ARHGAP6: variants seen among roughly 807,000 people sequenced by gnomAD.
The protein encoded by ARHGAP6 is Rho GTPase activating protein 6.
ARHGAP6 carries 16 observed loss-of-function variants against 55.7 expected under a neutral mutation model. That is an observed-to-expected ratio of 0.29 (90% CI 0.19 to 0.44). The LOEUF (loss-of-function observed/expected upper bound fraction) is 0.44. Among genes scored for constraint, ARHGAP6 ranks in the 20% least tolerant of loss-of-function variants. The probability of loss-of-function intolerance (pLI) is 1.00; values close to 1 mark genes in which losing one functional copy is unlikely to be tolerated. For missense variants in ARHGAP6, 698 were observed against 808.9 expected, an observed-to-expected ratio of 0.86 and a Z score of 1.66; for synonymous variants, 382 against 360.9, an observed-to-expected ratio of 1.06 and a Z score of -0.66.
At chrX:11,639,742 A>C (rs1482596357) in intron 1 of ARHGAP6, among the ~76,000 whole-genome samples, 2 of 110,660 alleles carry the variant, frequency 1.8e-5, no homozygotes, top group Non-Finnish European at 3.8e-5. Context: ...GAAAGATTGA[A>C]AGAAAAAGAG....
chrX:11,162,342 C>CT (rs1391965677), intron 9 of ARHGAP6, among the ~76,000 whole-genome samples: 2 of 97,456 alleles, frequency 2.1e-5, no homozygotes, highest in Non-Finnish European at 4.2e-5. Flanking sequence ...TGCCCCCCCC[C>CT]CCATATTTAC....
intron 1 of ARHGAP6, among the ~76,000 whole-genome samples, chrX:11,657,040 T>C (rs1365194801): frequency 2.7e-5 from 3 of 112,009 alleles, no homozygotes; most frequent in Non-Finnish European, 5.6e-5. Flanking sequence ...AAATATTTGA[T>C]GACTATCTGT....
chrX:11,221,567 G>A (rs2046971864), intron 2 of ARHGAP6, among the ~76,000 whole-genome samples: 1 of 111,690 alleles, frequency 9.0e-6, no homozygotes, highest in Admixed American at 9.6e-5. Flanking sequence ...ATGTGAGAAT[G>A]CTTCTAATAA....
chrX:11,315,162 T>C (rs1269829067), intron 1 of ARHGAP6, among the ~76,000 whole-genome samples: 2 of 112,565 alleles, frequency 1.8e-5, no homozygotes, highest in Non-Finnish European at 3.8e-5. Flanking sequence ...CCTTAGCCCA[T>C]AGCTTCGCTA....
intron 1 of ARHGAP6, among the ~76,000 whole-genome samples, chrX:11,428,017 G>A (rs1374950929): frequency 8.9e-6 from 1 of 112,583 alleles, no homozygotes; most frequent in Non-Finnish European, 1.9e-5. Flanking sequence ...CCTGCCTCCT[G>A]CCACCCCACC....
chrX:11,229,607 G>C (rs752795110), intron 2 of ARHGAP6, among the ~76,000 whole-genome samples: 1 of 111,770 alleles, frequency 8.9e-6, no homozygotes, highest in Non-Finnish European at 1.9e-5. Flanking sequence ...TTAATGTGCA[G>C]TTTTTGCACA....
At chrX:11,289,264 C>G (rs1490314157) in intron 1 of ARHGAP6, among the ~76,000 whole-genome samples, 1 of 110,989 alleles carries the variant, frequency 9.0e-6, no homozygotes, top group Non-Finnish European at 1.9e-5. Context: ...CCTTTTTTCC[C>G]CCTAAGAATG....
chrX:11,282,285 T>A (rs774790083), intron 1 of ARHGAP6, among the ~76,000 whole-genome samples: 1 of 112,104 alleles, frequency 8.9e-6, no homozygotes, highest in African/African-American at 3.2e-5. Context: ...TCAAGTGGAC[T>A]CTGTGAGAGA....
chrX:11,405,507 A>T (rs2049599819), intron 1 of ARHGAP6, among the ~76,000 whole-genome samples: 1 of 111,946 alleles, frequency 8.9e-6, no homozygotes, highest in East Asian at 2.8e-4. Context: ...TTGGTATCCT[A>T]CAAATCAAGG....
At chrX:11,572,871 G>T (rs202234042) in intron 1 of ARHGAP6, among the ~76,000 whole-genome samples, 8,967 of 111,172 alleles carry the variant, frequency 0.081, 383 homozygotes, top group East Asian at 0.18. Context: ...ACTTTTTAAT[G>T]ATTGCCATTG....
intron 1 of ARHGAP6, among the ~76,000 whole-genome samples, chrX:11,516,577 T>A (rs906338113): frequency 5.3e-5 from 6 of 112,419 alleles, no homozygotes; most frequent in Middle Eastern, 4.2e-3. Context: ...TGCATTCTAT[T>A]AGATTTAACA....
chrX:11,458,898 C>G (rs1250778056), intron 1 of ARHGAP6, among the ~76,000 whole-genome samples: 2 of 110,602 alleles, frequency 1.8e-5, no homozygotes, highest in Non-Finnish European at 3.8e-5. Context: ...GAAGTAAAAA[C>G]TATAGCAGGG....
intron 8 of ARHGAP6, among the ~76,000 whole-genome samples, chrX:11,172,508 T>TA (rs2046106879): frequency 9.6e-6 from 1 of 104,512 alleles, no homozygotes; most frequent in Non-Finnish European, 2.0e-5. Context: ...TTCTCATTTT[T>TA]TAAAAAAAAC....
chrX:11,145,699 A>G (rs1229250393), intron 10 of ARHGAP6, among the ~76,000 whole-genome samples: 1 of 112,294 alleles, frequency 8.9e-6, no homozygotes, highest in Non-Finnish European at 1.9e-5. Flanking sequence ...TGGCTACACC[A>G]TTTGTGGAGC....
intron 1 of ARHGAP6, among the ~76,000 whole-genome samples, chrX:11,654,291 T>C (rs1375120759): frequency 8.9e-6 from 1 of 111,902 alleles, no homozygotes; most frequent in East Asian, 2.8e-4. Context: ...GATCCAATGC[T>C]TATTGACACT....
At chrX:11,434,833 G>C (rs1418925366) in intron 1 of ARHGAP6, among the ~76,000 whole-genome samples, 1 of 111,870 alleles carries the variant, frequency 8.9e-6, no homozygotes. Flanking sequence ...AGCAAATAGA[G>C]AGGATGAGCC....
chrX:11,349,861 C>T (rs1227405533), intron 1 of ARHGAP6, among the ~76,000 whole-genome samples: 1 of 111,957 alleles, frequency 8.9e-6, no homozygotes, highest in East Asian at 2.8e-4. Flanking sequence ...GGAAAACACC[C>T]TGAGGCAGAA....
intron 3 of ARHGAP6, among the ~76,000 whole-genome samples, chrX:11,193,726 C>A (rs1031704606): frequency 8.9e-6 from 1 of 112,418 alleles, no homozygotes; most frequent in South Asian, 3.7e-4. Context: ...TTTCACTGAG[C>A]CTATGTAAAT....
At chrX:11,384,170 T>C (rs763237955) in intron 1 of ARHGAP6, among the ~76,000 whole-genome samples, 2 of 112,105 alleles carry the variant, frequency 1.8e-5, no homozygotes, top group East Asian at 5.6e-4. Context: ...TGAATGCTCT[T>C]GTAAAACAAC....
Sources: allele counts gnomAD v4.1 joint callset (sites outside exome capture counted in the v4.1 genomes callset), GRCh38; gene constraint gnomAD v4.1.1; transcripts MANE v1.5; gene names NCBI Gene and HGNC (gene_info 2026-07-23, HGNC 2026-07-21).